The following STK32B variants were observed in gnomAD, a reference collection of about 807,000 sequenced individuals.
STK32B encodes the protein serine/threonine kinase 32B, also known as serine/threonine-protein kinase 32B.
STK32B carries 43 observed loss-of-function variants against 52.6 expected under a neutral mutation model. The ratio of observed to expected loss-of-function variants is 0.82; its 90% confidence interval spans 0.64 to 1.05. The LOEUF is 1.05. STK32B is among the 50% of genes least tolerant of loss of function. STK32B has a pLI of 0.00. For synonymous variants in STK32B, 238 were observed against 204.3 expected (o/e 1.17, Z -1.41); for missense variants, 621 against 534.6 (o/e 1.16, Z -1.59).
intron 3 of STK32B, among the ~76,000 whole-genome samples, chr4:5,324,534 C>T (rs1477904222): frequency 6.6e-6 from 1 of 152,130 alleles, no homozygotes; most frequent in Non-Finnish European, 1.5e-5. Context: ...TCAACCTCAG[C>T]ACTGTTGCCA....
At chr4:5,393,961 T>A (rs115518154) in intron 4 of STK32B, among the ~76,000 whole-genome samples, 1,726 of 152,256 alleles carry the variant, frequency 0.011, 19 homozygotes, top group South Asian at 0.056. Flanking sequence ...TAGCCGCAGA[T>A]TTTTACTTCG....
At chr4:5,112,191 G>C (rs1217827834) in intron 1 of STK32B, among the ~76,000 whole-genome samples, 1 of 152,166 alleles carries the variant, frequency 6.6e-6, no homozygotes, top group Non-Finnish European at 1.5e-5. Flanking sequence ...TCTGTGGATT[G>C]AAACAGTAAG....
intron 3 of STK32B, among the ~76,000 whole-genome samples, chr4:5,235,903 G>A (rs115604815): frequency 0.013 from 1,954 of 152,270 alleles, 22 homozygotes; most frequent in Non-Finnish European, 0.021. Context: ...GCAGCTTCCT[G>A]CCCATCACTT....
intron 11 of STK32B, among the ~76,000 whole-genome samples, chr4:5,487,242 C>T (rs892948178): frequency 2.0e-5 from 3 of 152,176 alleles, no homozygotes; most frequent in African/African-American, 7.2e-5. Flanking sequence ...AAGGAAAAAT[C>T]TTCCCAGAAT....
In STK32B at chr4:5,398,378, C is replaced by A; in HGVS notation, c.472+134C>A. 1.1e-6 allele frequency: 1 copy of A among 878,722 alleles called. No individual in the cohort carries two copies. The highest frequency in any genetic ancestry group is 2.4e-5 in the Admixed American group (1 of 41,778). 54.4% of individuals were successfully genotyped at this position (878,722 alleles called of 1,614,324 possible). A position where few individuals can be genotyped will look rare whatever the true frequency, so the allele number is the denominator to read the frequency against. On this transcript the variant is annotated intron_variant, in intron 5 of 11. Transcript: ENST00000282908. The surrounding 1 kb of genome is among the most constrained non-coding windows in gnomAD (Gnocchi z 4.9). ...GCTAGAAACCTTCTCTTGTTTCAAT[C>A]CTGGTGGATCAACATCTGTGTAAAT...
At chr4:5,382,808 C>A (rs1330092542) in intron 4 of STK32B, among the ~76,000 whole-genome samples, 2 of 152,198 alleles carry the variant, frequency 1.3e-5, no homozygotes, top group African/African-American at 4.8e-5. Context: ...TTAATTCTCA[C>A]AACAGCCGTT....
chr4:5,498,559 C>T (rs1720476369), intron 11 of STK32B, among the ~76,000 whole-genome samples: 1 of 152,146 alleles, frequency 6.6e-6, no homozygotes, highest in African/African-American at 2.4e-5. Context: ...TACATGTATA[C>T]TGAATGAATG....
intron 8 of STK32B, among the ~76,000 whole-genome samples, chr4:5,457,212 CTTTTTTTTTT>C (rs1230307057): frequency 8.7e-6 from 1 of 114,938 alleles, no homozygotes; most frequent in Non-Finnish European, 1.8e-5. Flanking sequence ...TTTTTTTTTT[CTTTTTTTTTT>C]TTTTTTTTTA....
intron 3 of STK32B, among the ~76,000 whole-genome samples, chr4:5,179,761 A>G (rs1720217442): frequency 6.6e-6 from 1 of 152,204 alleles, no homozygotes. Context: ...CTTAAGCACA[A>G]AAGGGAATTG....
intron 4 of STK32B, among the ~76,000 whole-genome samples, chr4:5,390,648 G>A (rs1186858298): frequency 1.3e-5 from 2 of 152,154 alleles, no homozygotes; most frequent in South Asian, 4.1e-4. Context: ...ATGTCAAGCT[G>A]TACAGTATCA....
At chr4:5,094,958 C>T (rs1188495555) in intron 1 of STK32B, among the ~76,000 whole-genome samples, 1 of 152,194 alleles carries the variant, frequency 6.6e-6, no homozygotes, top group Non-Finnish European at 1.5e-5. Context: ...AGCTGCCAGG[C>T]CCTGCCCTGG....
chr4:5,096,946 G>A (rs1713436990), intron 1 of STK32B, among the ~76,000 whole-genome samples: 1 of 152,142 alleles, frequency 6.6e-6, no homozygotes. Context: ...TCATCACAGT[G>A]TCCCTAGGAG....
At position 5,163,344 on chromosome 4, in the gene STK32B, C is replaced by G. The variant is rs149010400; in HGVS notation, c.109-4955C>G. ...GGGATTTATAATACAGTGTGTCAAG[C>G]CTTACAGTAGAAACAGGATTTATGG... On this transcript the variant is annotated intron_variant, in intron 2 of 11. Transcript: ENST00000282908. 6.8e-4 allele frequency among the ~76,000 whole-genome samples: 104 copies of G among 152,132 alleles called. No homozygotes were observed. In the East Asian group the frequency reaches 0.017, roughly 24 times the overall value.
chr4:5,267,780 A>T (rs1201714108), intron 3 of STK32B, among the ~76,000 whole-genome samples: 2 of 152,202 alleles, frequency 1.3e-5, no homozygotes, highest in Non-Finnish European at 2.9e-5. Context: ...GTAAATGGCA[A>T]CCCACTCTAA....
chr4:5,489,183 T>C (rs909294555), intron 11 of STK32B, among the ~76,000 whole-genome samples: 1 of 152,220 alleles, frequency 6.6e-6, no homozygotes, highest in Non-Finnish European at 1.5e-5. Flanking sequence ...AGTTTATTCA[T>C]AGACATTTGT....
chr4:5,139,166 A>C (rs1716253027), intron 1 of STK32B, among the ~76,000 whole-genome samples: 1 of 152,144 alleles, frequency 6.6e-6, no homozygotes, highest in Non-Finnish European at 1.5e-5. Context: ...ACATGGAGCT[A>C]CCTGATGAAA....
intron 11 of STK32B, among the ~76,000 whole-genome samples, chr4:5,484,780 C>T (rs965315306): frequency 7.1e-4 from 108 of 152,216 alleles, no homozygotes; most frequent in Non-Finnish European, 9.6e-4. Flanking sequence ...TTAGGGCAGG[C>T]CTGGTGGTGA....
At chr4:5,461,589 A>G (rs1717028206) in intron 9 of STK32B, among the ~76,000 whole-genome samples, 2 of 152,110 alleles carry the variant, frequency 1.3e-5, no homozygotes, top group Non-Finnish European at 1.5e-5. Context: ...GCTGATGCTC[A>G]TCTGTTCCCG....
chr4:5,204,078 G>T (rs1313337051), intron 3 of STK32B: 4 of 152,278 alleles, frequency 2.6e-5, no homozygotes, highest in African/African-American at 9.6e-5. Context: ...TTCCCTGCTG[G>T]TCTTCAGGAA....
Sources: gnomAD v4.1 joint callset for allele counts (sites outside exome capture counted in the v4.1 genomes callset) on GRCh38, gnomAD v4.1.1 for gene constraint, Gnocchi (gnomAD v3.1) non-coding constraint, MANE v1.5 for transcripts, NCBI Gene and HGNC (gene_info 2026-07-23, HGNC 2026-07-21) for gene names.